The following SOX5 variants were observed in gnomAD, a reference collection of about 807,000 sequenced individuals.
The protein encoded by SOX5 is transcription factor SOX-5.
A neutral mutation model predicts 92.0 loss-of-function variants in SOX5; 9 were observed. The ratio of observed to expected loss-of-function variants is 0.10; its 90% confidence interval spans 0.06 to 0.17. The LOEUF is 0.17. Among genes scored for constraint, SOX5 ranks in the 10% least tolerant of loss-of-function variants. The probability of loss-of-function intolerance (pLI) is 1.00; values close to 1 mark genes in which losing one functional copy is unlikely to be tolerated. For synonymous variants in SOX5, 344 were observed against 336.3 expected (o/e 1.02, Z -0.25); for missense variants, 642 against 944.5 (o/e 0.68, Z 4.20).
intron 1 of SOX5, among the ~76,000 whole-genome samples, chr12:23,935,620 T>C (rs1942368425): frequency 6.6e-6 from 1 of 151,134 alleles, no homozygotes; most frequent in Non-Finnish European, 1.5e-5. Flanking sequence ...AGAAACCCTT[T>C]ACGTAAGTGT....
chr12:23,796,747 A>T (rs1783268344), intron 3 of SOX5, among the ~76,000 whole-genome samples: 1 of 151,688 alleles, frequency 6.6e-6, no homozygotes, highest in African/African-American at 2.4e-5. Flanking sequence ...CAGATCACCA[A>T]TATAGTGATT....
chr12:23,989,403 T>C (rs1172065534), intron 4 of SOX5, among the ~76,000 whole-genome samples: 1 of 151,634 alleles, frequency 6.6e-6, no homozygotes, highest in Non-Finnish European at 1.5e-5. Context: ...AATCAATCAA[T>C]CAATCAATCA....
chr12:23,997,934 A>G (rs1055834599), intron 4 of SOX5, among the ~76,000 whole-genome samples: 2 of 152,190 alleles, frequency 1.3e-5, no homozygotes, highest in African/African-American at 4.8e-5. Flanking sequence ...TTAAAAACAG[A>G]AACAACAACA....
intron 2 of SOX5, among the ~76,000 whole-genome samples, chr12:24,333,165 T>C (rs1292405495): frequency 2.0e-5 from 3 of 151,974 alleles, no homozygotes. Context: ...TAATGAAATA[T>C]CAAAAAACAA....
chr12:24,164,327 A>C (rs1953133188), intron 4 of SOX5, among the ~76,000 whole-genome samples: 2 of 152,102 alleles, frequency 1.3e-5, no homozygotes, highest in Non-Finnish European at 2.9e-5. Flanking sequence ...TCATGTCTAA[A>C]CATTACAATA....
At chr12:23,890,569 G>T (rs2097120387) in intron 2 of SOX5, among the ~76,000 whole-genome samples, 1 of 151,822 alleles carries the variant, frequency 6.6e-6, no homozygotes, top group South Asian at 2.1e-4. Context: ...TCACCAAAAC[G>T]GTCACCATAG....
chr12:24,069,997 C>T (rs1941505245), intron 4 of SOX5, among the ~76,000 whole-genome samples: 2 of 152,154 alleles, frequency 1.3e-5, no homozygotes, highest in Admixed American at 6.5e-5. Flanking sequence ...CCTAACATTA[C>T]ACCAGTTAAA....
chr12:23,811,081 A>C (rs2095868018), intron 3 of SOX5, among the ~76,000 whole-genome samples: 1 of 152,130 alleles, frequency 6.6e-6, no homozygotes, highest in South Asian at 2.1e-4. Context: ...TCCTCAAAAG[A>C]TGCTTGTAAA....
chr12:24,366,344 C>A (rs1002457592), intron 2 of SOX5, among the ~76,000 whole-genome samples: 4 of 152,126 alleles, frequency 2.6e-5, no homozygotes, highest in Admixed American at 6.5e-5. Flanking sequence ...GAGAGGGGCA[C>A]AGGATTATTC....
At chr12:23,534,704 C>CTTTT (rs60460683) in intron 14 of SOX5, among the ~76,000 whole-genome samples, 182 bp from the exon 15 acceptor site, 89 of 108,776 alleles carry the variant, frequency 8.2e-4, no homozygotes, top group East Asian at 1.3e-3. Flanking sequence ...CTTTTCTTTT[C>CTTTT]TTTTTTTTTT....
At chr12:23,602,214 A>T (rs1349421980) in intron 9 of SOX5, among the ~76,000 whole-genome samples, 1 of 152,196 alleles carries the variant, frequency 6.6e-6, no homozygotes, top group Non-Finnish European at 1.5e-5. Context: ...ATATAACACC[A>T]CAGGATGTGG....
chr12:24,044,275 T>C (rs1316865913), intron 4 of SOX5, among the ~76,000 whole-genome samples: 2 of 136,740 alleles, frequency 1.5e-5, no homozygotes, highest in East Asian at 4.1e-4. Context: ...AGAAGCTTAG[T>C]GTAGCAGGTA....
At chr12:24,187,106 C>T (rs529366552) in intron 4 of SOX5, among the ~76,000 whole-genome samples, 1 of 152,274 alleles carries the variant, frequency 6.6e-6, no homozygotes, top group Non-Finnish European at 1.5e-5. Context: ...ACCATGGAAG[C>T]ACAATCAGTC....
Position 23,903,198 on chromosome 12 carries a change from G to T in SOX5, c.39-7174C>A, listed in dbSNP as rs558305077. ...TGCATGCCTTTTTAAAAATATGAGT[G>T]CTACAGGAGATAGATAGATAATAGA... is the stretch of plus-strand genomic sequence containing the variant. On this transcript the variant is annotated intron_variant, in intron 1 of 14. Transcript: ENST00000451604. 1.8e-4 allele frequency among the ~76,000 whole-genome samples: 27 copies of T among 152,232 alleles called. No homozygotes were observed. The South Asian group carries it at 5.2e-3, about 29-fold the overall frequency.
intron 4 of SOX5, among the ~76,000 whole-genome samples, chr12:24,113,410 T>G (rs2733667): frequency 6.6e-6 from 1 of 152,100 alleles, no homozygotes; most frequent in Admixed American, 6.5e-5. Context: ...TTCATATTTG[T>G]GTTGCATTTC....
chr12:24,126,320 T>C (rs961934295), intron 4 of SOX5, among the ~76,000 whole-genome samples: 1 of 152,108 alleles, frequency 6.6e-6, no homozygotes, highest in Non-Finnish European at 1.5e-5. Flanking sequence ...TACAGGCCTT[T>C]CAGAAAATAC....
At chr12:24,226,217 C>T (rs1288902373) in intron 3 of SOX5, among the ~76,000 whole-genome samples, 1 of 152,116 alleles carries the variant, frequency 6.6e-6, no homozygotes, top group Non-Finnish European at 1.5e-5. Context: ...TCTGGACTCA[C>T]TTCCATCCCC....
At chr12:24,311,235 A>T (rs1264322826) in intron 2 of SOX5, among the ~76,000 whole-genome samples, 4 of 152,136 alleles carry the variant, frequency 2.6e-5, no homozygotes. Flanking sequence ...CTAAAATCAT[A>T]CTTCTATTGT....
chr12:23,618,803 C>G (rs2076853677), intron 8 of SOX5, among the ~76,000 whole-genome samples: 1 of 152,162 alleles, frequency 6.6e-6, no homozygotes, highest in African/African-American at 2.4e-5. Context: ...TGGGAAAACA[C>G]TTTCCAGATA....
Sources: allele counts gnomAD v4.1 joint callset (sites outside exome capture counted in the v4.1 genomes callset), GRCh38; gene constraint gnomAD v4.1.1; transcripts MANE v1.5; gene names NCBI Gene and HGNC (gene_info 2026-07-23, HGNC 2026-07-21).